GNA15: variants seen among roughly 807,000 people sequenced by gnomAD.
GNA15 encodes the protein guanine nucleotide-binding protein subunit alpha-15.
Under a neutral mutation model 40.1 loss-of-function variants are expected in GNA15, and 23 were observed. The observed-to-expected ratio is 0.57, with a 90% CI of 0.41 to 0.81. The LOEUF (loss-of-function observed/expected upper bound fraction) is 0.81, where lower values mean the gene tolerates loss of function less well. GNA15 is among the 40% of genes least tolerant of loss of function. The pLI is 0.00. For synonymous variants in GNA15, 226 were observed against 210.4 expected, an observed-to-expected ratio of 1.07 and a Z score of -0.64; for missense variants, 522 against 515.8, an observed-to-expected ratio of 1.01 and a Z score of -0.12.
intron 3 of GNA15, 22 bp downstream of exon 3, chr19:3,150,307 G>C (rs200036834): frequency 6.5e-7 from 1 of 1,531,568 alleles, no homozygotes; most frequent in Admixed American, 1.9e-5. Context: ...GTCTGCGGGG[G>C]ATGGGCGCGT....
At chr19:3,143,059 C>T (rs981907678) in intron 1 of GNA15, 1 of 152,046 alleles carries the variant, frequency 6.6e-6, no homozygotes, top group African/African-American at 2.4e-5. Flanking sequence ...TTAATGACAC[C>T]TACCCCAGCT....
intron 1 of GNA15, among the ~76,000 whole-genome samples, chr19:3,139,499 G>T (rs1307630960): frequency 6.6e-6 from 1 of 151,394 alleles, no homozygotes; most frequent in African/African-American, 2.4e-5. Flanking sequence ...GGAGGCTGAG[G>T]TGAGAGGATC....
chr19:3,158,220 G>A (rs1915073398), intron 6 of GNA15, among the ~76,000 whole-genome samples: 1 of 152,024 alleles, frequency 6.6e-6, no homozygotes, highest in Non-Finnish European at 1.5e-5. Context: ...CGTGATCTCG[G>A]CTCACTGCAA....
chr19:3,140,081 A>ATCTATCTG, intron 1 of GNA15, among the ~76,000 whole-genome samples: 1 of 151,400 alleles, frequency 6.6e-6, no homozygotes, highest in Admixed American at 6.6e-5. Context: ...CTATCTATCT[A>ATCTATCTG]TCTATATTTG....
intron 2 of GNA15, chr19:3,149,800 G>C (rs4807413): frequency 0.088 from 20,554 of 233,146 alleles, 1,860 homozygotes; most frequent in East Asian, 0.35. Context: ...TCTGTGGAAG[G>C]GGGGACTGTG....
At chr19:3,147,027 C>T (rs955295797) in intron 1 of GNA15, among the ~76,000 whole-genome samples, 3 of 152,140 alleles carry the variant, frequency 2.0e-5, no homozygotes, top group Non-Finnish European at 4.4e-5. Flanking sequence ...ACCTGGTGTG[C>T]CCTCTAAGAT....
At chr19:3,157,231 T>C (rs1368725433) in intron 5 of GNA15, among the ~76,000 whole-genome samples, 1 of 151,914 alleles carries the variant, frequency 6.6e-6, no homozygotes, top group Non-Finnish European at 1.5e-5. Flanking sequence ...ACTCCTGGCC[T>C]CAGGTGATCT....
At chr19:3,158,671 G>A (rs1915082842) in intron 6 of GNA15, among the ~76,000 whole-genome samples, 1 of 151,924 alleles carries the variant, frequency 6.6e-6, no homozygotes, top group African/African-American at 2.4e-5. Flanking sequence ...ACCCAGGCTG[G>A]AGTACAGTGG....
In GNA15 at chr19:3,151,557, G is replaced by A. The variant is rs1914880933; in HGVS notation, c.486-150G>A. ...GGCTCCATTGCCTCAGGTGGGGGAC[G>A]CTCCTGGGCCATCTGCCAACTCCAG... is the stretch of plus-strand genomic sequence containing the variant. On this transcript the variant is annotated intron_variant, in intron 3 of 6. Transcript: ENST00000262958. The surrounding 1 kb of genome is among the most constrained non-coding windows in gnomAD (Gnocchi z 5.0). 6 of 769,280 alleles carry A rather than the reference G, an allele frequency of 7.8e-6. No homozygotes were observed. The highest frequency in any genetic ancestry group is 2.6e-5 in the South Asian group (1 of 37,830). The allele number at this position is 769,280 out of a possible 1,614,324, so 47.7% of individuals were successfully genotyped here. A position where few individuals can be genotyped will look rare whatever the true frequency, so the allele number is the denominator to read the frequency against.
intron 1 of GNA15, among the ~76,000 whole-genome samples, chr19:3,139,093 G>A (rs568079154): frequency 1.2e-4 from 18 of 150,322 alleles, no homozygotes; most frequent in Middle Eastern, 3.5e-3. Flanking sequence ...CTACTGGTGC[G>A]CACTACCACA....
rs373317315 is a variant in GNA15 at position 3,148,586 on chromosome 19, C to T, written c.146-5C>T. On this transcript the variant is annotated splice_region_variant and splice_polypyrimidine_tract_variant and intron_variant, in intron 1 of 6. Coordinates refer to ENST00000262958, the MANE Select transcript of GNA15 (RefSeq NM_002068.4). ...GGCTGAGCGGTTCTGCTGCTCCATC[C>T]CCAGGCCCAGGCGAGAGCGGGAAGA... 8 of 1,566,462 alleles carry T rather than the reference C, an allele frequency of 5.1e-6. No individual in the cohort carries two copies. In the African/African-American group the frequency reaches 9.5e-5, roughly 19 times the overall value.
At chr19:3,139,376 T>C (rs963842245) in intron 1 of GNA15, among the ~76,000 whole-genome samples, 7 of 150,114 alleles carry the variant, frequency 4.7e-5, no homozygotes, top group Admixed American at 2.7e-4. Context: ...TGCTTGAGCT[T>C]AGGAGTTTCA....
intron 5 of GNA15, among the ~76,000 whole-genome samples, chr19:3,156,718 A>G (rs529743301): frequency 1.3e-5 from 2 of 151,562 alleles, no homozygotes; most frequent in Admixed American, 1.3e-4. Flanking sequence ...GGATGGTCTC[A>G]ATCTCCTGAC....
rs1555707135 is a variant in GNA15, at chr19:3,156,196, A to AGTG, written c.744+244_744+245insGTG. The stretch of plus-strand genomic sequence containing the variant: ...CACACACACACACACACACACACAC[A>AGTG]CACACACTACAGTGCACACACGCAC... On this transcript the variant is annotated intron_variant, in intron 5 of 6. Coordinates refer to ENST00000262958, the MANE Select transcript of GNA15 (RefSeq NM_002068.4). Among the ~76,000 whole-genome samples the AGTG allele has an allele frequency of 5.0e-3, 424 of 84,538 alleles. 1 individual carries two copies. The highest frequency in any genetic ancestry group is 9.7e-3 in the African/African-American group (258 of 26,518). 55.5% of individuals were successfully genotyped at this position (84,538 alleles called of 152,430 possible). A position where few individuals can be genotyped will look rare whatever the true frequency, so the allele number is the denominator to read the frequency against.
intron 2 of GNA15, chr19:3,149,593 C>G (rs191343298): frequency 6.4e-6 from 1 of 157,142 alleles, no homozygotes; most frequent in African/African-American, 2.4e-5. Flanking sequence ...TGTACATGAA[C>G]AAACACAGAG....
Position 3,163,054 on chromosome 19 carries a change from G to A in GNA15, c.*35G>A. The A allele has an allele frequency of 6.9e-7, 1 of 1,444,024 alleles. No individual in the cohort carries two copies. The highest frequency in any genetic ancestry group is 9.7e-7 in the Non-Finnish European group (1 of 1,026,900). 89.5% of individuals were successfully genotyped at this position (1,444,024 alleles called of 1,614,324 possible). On this transcript the variant is annotated 3_prime_UTR_variant, in exon 7 of 7. Coordinates refer to ENST00000262958, the MANE Select transcript of GNA15 (RefSeq NM_002068.4). ...CACCTGGGGCAGGCGGCACCGGCGG[G>A]CGGGTGGGAGGTGGGAGTGGCTGCA...
intron 1 of GNA15, among the ~76,000 whole-genome samples, chr19:3,139,904 C>A (rs564425958): frequency 6.6e-6 from 1 of 151,800 alleles, no homozygotes; most frequent in Non-Finnish European, 1.5e-5. Context: ...CGTGGTGGTG[C>A]GCACCTGTAG....
chr19:3,148,691 C>G lies in GNA15; in HGVS notation c.246C>G (p.Val82=), dbSNP rs528033762. ...EEERKGFRPL[V]YQNIFVSMRA... is the part of the protein sequence containing the mutation. ...AGCGCAAGGGCTTCCGGCCCCTGGT[C>G]TACCAGAACATCTTCGTGTCCATGC... Residue 82 remains valine (V), a synonymous_variant, in exon 2 of 7, where the codon GTC becomes GTG. Transcript: ENST00000262958. The G allele has an allele frequency of 1.7e-5, 28 of 1,600,060 alleles. No individual in the cohort carries two copies. The highest frequency in any genetic ancestry group is 2.2e-5 in the Non-Finnish European group (26 of 1,173,942).
intron 6 of GNA15, among the ~76,000 whole-genome samples, chr19:3,158,656 CTG>C (rs1342613892): frequency 6.6e-6 from 1 of 152,066 alleles, no homozygotes; most frequent in African/African-American, 2.4e-5. Context: ...GAGTCTCACT[CTG>C]TCACCCAGGC....
Sources: gnomAD v4.1 joint callset for allele counts (sites outside exome capture counted in the v4.1 genomes callset) on GRCh38, gnomAD v4.1.1 for gene constraint, Gnocchi (gnomAD v3.1) non-coding constraint, MANE v1.5 for transcripts, NCBI Gene and HGNC (gene_info 2026-07-23, HGNC 2026-07-21) for gene names.